Variants in ITGB8 observed in about 807,000 individuals in gnomAD.
The protein encoded by ITGB8 is integrin beta-8.
ITGB8 carries 30 observed loss-of-function variants against 89.5 expected under a neutral mutation model. The ratio of observed to expected loss-of-function variants is 0.34; its 90% CI spans 0.25 to 0.45. The LOEUF is 0.45. Ranked by LOEUF, ITGB8 falls within the 20% of genes least tolerant of loss-of-function variation. The pLI is 1.00. For missense variants in ITGB8, 836 were observed against 933.3 expected (o/e 0.90, Z 1.36); for synonymous variants, 335 against 320.4 (o/e 1.05, Z -0.49).
chr7:20,341,333 C>T (rs1303775800), intron 1 of ITGB8, among the ~76,000 whole-genome samples: 1 of 152,050 alleles, frequency 6.6e-6, no homozygotes, highest in African/African-American at 2.4e-5. Context: ...AAAAAAGAAA[C>T]ATTCAAGAAG....
intron 1 of ITGB8, among the ~76,000 whole-genome samples, chr7:20,354,169 T>C (rs1785211231): frequency 6.6e-6 from 1 of 152,172 alleles, no homozygotes; most frequent in African/African-American, 2.4e-5. Context: ...ACACATTTAC[T>C]GAGTGTATTC....
intron 1 of ITGB8, among the ~76,000 whole-genome samples, chr7:20,355,111 G>C (rs916243950): frequency 2.6e-5 from 4 of 152,182 alleles, no homozygotes; most frequent in Non-Finnish European, 5.9e-5. Context: ...TCCACCAAAA[G>C]GAGCCACATT....
intron 1 of ITGB8, among the ~76,000 whole-genome samples, chr7:20,334,845 T>A (rs1359706712): frequency 1.3e-5 from 2 of 152,188 alleles, no homozygotes; most frequent in Non-Finnish European, 2.9e-5. Context: ...TGCCCCAAAA[T>A]AACTTCTTCT....
rs1787462851 is a variant in ITGB8, at chr7:20,404,743, C to T, written c.1803C>T (p.Cys601=). ...QHCVNSKGQV[C]SGRGTCVCGR... ...GTGTCAATTCAAAGGGCCAAGTGTG[C>T]AGTGGAAGAGGCACGTGTGTGTGTG... The change falls in exon 11 of 14, where the codon TGC becomes TGT. Residue 601 remains cysteine, a synonymous_variant. Transcript: ENST00000222573. The T allele has an allele frequency of 6.2e-7, 1 of 1,614,170 alleles. No homozygotes were observed. Among genetic ancestry groups the T allele is most frequent in the Non-Finnish European group, 8.5e-7 (1 of 1,180,026 alleles).
intron 2 of ITGB8, among the ~76,000 whole-genome samples, chr7:20,364,219 G>T (rs1032807619): frequency 2.0e-5 from 3 of 152,144 alleles, no homozygotes; most frequent in Non-Finnish European, 4.4e-5. Flanking sequence ...GTAATCTGGA[G>T]TTAGAACTGC....
intron 1 of ITGB8, chr7:20,352,309 C>T (rs1344902861): frequency 1.3e-5 from 2 of 152,174 alleles, no homozygotes; most frequent in African/African-American, 2.4e-5. Flanking sequence ...TGAAAATTCC[C>T]AGCAGGTGAG....
intron 3 of ITGB8, among the ~76,000 whole-genome samples, chr7:20,369,943 T>C (rs1157745678): frequency 1.3e-5 from 2 of 152,090 alleles, no homozygotes; most frequent in East Asian, 3.8e-4. Context: ...TTATTGATGA[T>C]GTTGTTACAA....
At chr7:20,349,144 C>T (rs996047279) in intron 1 of ITGB8, among the ~76,000 whole-genome samples, 2 of 152,012 alleles carry the variant, frequency 1.3e-5, no homozygotes, top group African/African-American at 4.8e-5. Context: ...ACAGTTAACA[C>T]ATTTTATAAT....
intron 3 of ITGB8, among the ~76,000 whole-genome samples, chr7:20,378,779 ATTTG>A (rs1238501244): frequency 3.9e-5 from 6 of 152,146 alleles, no homozygotes; most frequent in Non-Finnish European, 1.5e-5. Flanking sequence ...GAGCTGGCCC[ATTTG>A]TTATTATCCC....
rs1280542163 is a variant in ITGB8 at position 20,401,846 on chromosome 7, T to C, written c.1407T>C (p.Cys469=). The C allele has an allele frequency of 1.9e-6, 3 of 1,613,912 alleles. No individual in the cohort carries two copies. In the African/African-American group the frequency reaches 4.0e-5, roughly 22 times the overall value. The change falls in exon 10 of 14, where the codon TGT becomes TGC. Residue 469 remains cysteine, a synonymous_variant. Transcript: ENST00000222573. ...AKIHIHRNCS[C]QCEDNRGPKG... The stretch of plus-strand genomic sequence containing the variant: ...TTCATATACACAGAAACTGCAGCTG[T>C]CAGTGTGAGGACAACAGAGGACCTA...
At chr7:20,355,484 C>T (rs1370328428) in intron 1 of ITGB8, among the ~76,000 whole-genome samples, 3 of 152,142 alleles carry the variant, frequency 2.0e-5, no homozygotes, top group African/African-American at 7.2e-5. Flanking sequence ...TATTGTACTA[C>T]CTCCTTCTCT....
In ITGB8 at chr7:20,411,672, G is replaced by GTA. The variant is rs1317356838; in HGVS notation, c.*1677_*1678dup. The stretch of plus-strand genomic sequence containing the variant: ...AATGTGATTTACTCATGTCTTAAGT[G>GTA]TATGAGGAAAGTTCAAAGCAAAATA... On this transcript the variant is annotated 3_prime_UTR_variant, in exon 14 of 14. Coordinates refer to ENST00000222573, the MANE Select transcript of ITGB8 (RefSeq NM_002214.3). 1 of 152,652 alleles carries GTA rather than the reference G, an allele frequency of 6.6e-6. No individual in the cohort carries two copies. Among genetic ancestry groups the GTA allele is most frequent in the African/African-American group, 2.4e-5 (1 of 41,454 alleles). The allele number at this position is 152,652 out of a possible 1,614,324, so 9.5% of individuals were successfully genotyped here.
chr7:20,394,601 A>G (rs895073285), intron 7 of ITGB8, among the ~76,000 whole-genome samples: 2 of 152,184 alleles, frequency 1.3e-5, no homozygotes, highest in African/African-American at 2.4e-5. Flanking sequence ...TTTACATTCC[A>G]TGGAAGAAAT....
chr7:20,343,571 G>A (rs4721901), intron 1 of ITGB8, among the ~76,000 whole-genome samples: 140,552 of 152,274 alleles, frequency 0.92, 64,938 homozygotes, highest in East Asian at 0.99. Flanking sequence ...CAAGTATTAA[G>A]TAATTACAAA....
Position 20,413,916 on chromosome 7 carries a change from A to C in ITGB8, c.*3919A>C, listed in dbSNP as rs926725306. The C allele has an allele frequency of 6.6e-6, 1 of 152,146 alleles. No individual in the cohort carries two copies. The highest frequency in any genetic ancestry group is 1.5e-5 in the Non-Finnish European group (1 of 67,980). 9.4% of individuals were successfully genotyped at this position (152,146 alleles called of 1,614,324 possible). On this transcript the variant is annotated 3_prime_UTR_variant, in exon 14 of 14. Coordinates refer to ENST00000222573, the MANE Select transcript of ITGB8 (RefSeq NM_002214.3). ...GACCTCAAGAACTCCATTTTATGCA[A>C]TGCAGACCACTGAGATATAGCTAAC...
At chr7:20,387,844 A>T (rs1786690808) in intron 6 of ITGB8, among the ~76,000 whole-genome samples, 1 of 152,214 alleles carries the variant, frequency 6.6e-6, no homozygotes, top group African/African-American at 2.4e-5. Context: ...CTGACACATC[A>T]TTGAAAGTTT....
intron 3 of ITGB8, 42 bp downstream of exon 3, chr7:20,367,228 G>C: frequency 7.0e-7 from 1 of 1,433,814 alleles, no homozygotes; most frequent in Non-Finnish European, 9.7e-7. Flanking sequence ...TTCTTAACTT[G>C]AAATTGCAAT....
chr7:20,370,685 G>C (rs1223467913), intron 3 of ITGB8, among the ~76,000 whole-genome samples: 6 of 151,694 alleles, frequency 4.0e-5, no homozygotes, highest in Non-Finnish European at 8.8e-5. Context: ...ATCTCAGCTC[G>C]CTGCAACCTC....
chr7:20,387,235 G>A (rs1037882640), intron 6 of ITGB8, among the ~76,000 whole-genome samples: 2 of 152,170 alleles, frequency 1.3e-5, no homozygotes, highest in Non-Finnish European at 2.9e-5. Flanking sequence ...AGGGAAAAAG[G>A]TGCTAAAGAG....
Sources: allele counts gnomAD v4.1 joint callset (sites outside exome capture counted in the v4.1 genomes callset), GRCh38; gene constraint gnomAD v4.1.1; transcripts MANE v1.5; gene names NCBI Gene and HGNC (gene_info 2026-07-23, HGNC 2026-07-21).